LRP1B: variants seen among roughly 807,000 people sequenced by gnomAD.
LRP1B encodes low-density lipoprotein receptor-related protein 1B.
A neutral mutation model predicts 556.6 loss-of-function variants in LRP1B; 217 were observed. The observed-to-expected ratio is 0.39, with a 90% CI of 0.35 to 0.44. LRP1B has a LOEUF of 0.44. LRP1B is among the 20% of genes least tolerant of loss of function. LRP1B has a pLI of 1.00. For missense variants in LRP1B, 5,053 were observed against 5,620.8 expected (o/e 0.90, Z 3.23); for synonymous variants, 2,047 against 1,865.8 (o/e 1.10, Z -2.50).
intron 1 of LRP1B, among the ~76,000 whole-genome samples, chr2:142,085,805 G>A (rs889962345): frequency 6.6e-6 from 1 of 152,168 alleles, no homozygotes; most frequent in Non-Finnish European, 1.5e-5. Flanking sequence ...GTTTGACTAT[G>A]TAAATATAAT....
chr2:141,506,605 G>T (rs951189522), intron 2 of LRP1B, among the ~76,000 whole-genome samples: 1 of 151,978 alleles, frequency 6.6e-6, no homozygotes, highest in Non-Finnish European at 1.5e-5. Flanking sequence ...TAGGATGTGG[G>T]CACCTAGCTT....
At chr2:140,938,859 AT>A (rs1311728427) in intron 20 of LRP1B, among the ~76,000 whole-genome samples, 1 of 152,096 alleles carries the variant, frequency 6.6e-6, no homozygotes. Context: ...AAATTTTTCT[AT>A]CTTTCGGAAA....
intron 66 of LRP1B, among the ~76,000 whole-genome samples, chr2:140,429,322 C>T (rs1199377876): frequency 6.6e-6 from 1 of 152,156 alleles, no homozygotes; most frequent in Non-Finnish European, 1.5e-5. Flanking sequence ...CCCATAGTGC[C>T]AAACCCATAT....
At chr2:140,897,673 C>A (rs187577705) in intron 23 of LRP1B, among the ~76,000 whole-genome samples, 29 of 152,270 alleles carry the variant, frequency 1.9e-4, no homozygotes, top group Non-Finnish European at 3.7e-4. Context: ...ACTAGATTTG[C>A]TAAGTCTTCT....
chr2:140,293,097 T>C (rs569315128), intron 84 of LRP1B, among the ~76,000 whole-genome samples: 93 of 152,284 alleles, frequency 6.1e-4, no homozygotes, highest in African/African-American at 2.2e-3. Flanking sequence ...ATAATGGTTC[T>C]GCAAGCAGAT....
At chr2:141,527,543 T>C (rs1219128841) in intron 2 of LRP1B, among the ~76,000 whole-genome samples, 1 of 152,094 alleles carries the variant, frequency 6.6e-6, no homozygotes, top group African/African-American at 2.4e-5. Flanking sequence ...TTTTCACCTA[T>C]ACAAATGGAA....
At chr2:140,329,459 C>CTGTT (rs2105072757) in intron 79 of LRP1B, among the ~76,000 whole-genome samples, 1 of 152,148 alleles carries the variant, frequency 6.6e-6, no homozygotes, top group South Asian at 2.1e-4. Context: ...CATAATGTCT[C>CTGTT]TGTTTGCAGA....
chr2:140,658,000 T>C (rs886239009), intron 41 of LRP1B, among the ~76,000 whole-genome samples: 1 of 152,084 alleles, frequency 6.6e-6, no homozygotes, highest in African/African-American at 2.4e-5. Flanking sequence ...ACTTTTGTGC[T>C]TATTTGAAAA....
chr2:140,351,875 C>T (rs1183408097), intron 76 of LRP1B, among the ~76,000 whole-genome samples: 1 of 152,072 alleles, frequency 6.6e-6, no homozygotes, highest in Non-Finnish European at 1.5e-5. Flanking sequence ...TTTATCTCCA[C>T]TTCTTATAAC....
intron 6 of LRP1B, among the ~76,000 whole-genome samples, chr2:141,224,029 G>A (rs1336916452): frequency 3.3e-5 from 5 of 152,082 alleles, no homozygotes; most frequent in East Asian, 3.9e-4. Context: ...AAAAATTGAC[G>A]AATGAGATCT....
chr2:140,563,411 T>G (rs551534775), intron 43 of LRP1B, among the ~76,000 whole-genome samples: 1 of 46,544 alleles, frequency 2.1e-5, no homozygotes, highest in East Asian at 6.8e-4. Flanking sequence ...TTACTTGTCA[T>G]GATAATTTTA....
chr2:140,867,753 G>A lies in LRP1B; in HGVS notation c.4416C>T (p.Pro1472=), dbSNP rs1475856178. 7 of 1,611,040 alleles carry A rather than the reference G, an allele frequency of 4.3e-6. No individual in the cohort carries two copies. The highest frequency in any genetic ancestry group is 2.7e-5 in the African/African-American group (2 of 74,694). ...CACTCCCATATAGAGACACAGCAAAGGGATGGGAAAGGTATTCATGACCTC... is the reference window on the plus strand; with the variant it reads ...CACTCCCATATAGAGACACAGCAAAAGGATGGGAAAGGTATTCATGACCTC... ...IIRGHEYLSH[P]FAVSLYGSEV... Residue 1472 remains proline, a synonymous_variant, in exon 27 of 91, where the codon CCC becomes CCT. Coordinates refer to ENST00000389484, the MANE Select transcript of LRP1B (RefSeq NM_018557.3).
At chr2:141,120,200 A>C (rs1472965783) in intron 7 of LRP1B, among the ~76,000 whole-genome samples, 1 of 151,920 alleles carries the variant, frequency 6.6e-6, no homozygotes. Flanking sequence ...AAAGCAATTT[A>C]CTTTATATGA....
At chr2:141,008,189 G>T (rs1697634929) in intron 14 of LRP1B, among the ~76,000 whole-genome samples, 1 of 150,896 alleles carries the variant, frequency 6.6e-6, no homozygotes, top group Non-Finnish European at 1.5e-5. Flanking sequence ...TCAATTAAAA[G>T]GTCATTAACA....
chr2:141,084,911 A>G (rs1424150776), intron 7 of LRP1B, among the ~76,000 whole-genome samples: 1 of 152,022 alleles, frequency 6.6e-6, no homozygotes, highest in African/African-American at 2.4e-5. Context: ...GGCCTCCCAA[A>G]GTGCTGGGAT....
At chr2:141,451,433 A>G (rs1425672026) in intron 3 of LRP1B, among the ~76,000 whole-genome samples, 3 of 152,230 alleles carry the variant, frequency 2.0e-5, no homozygotes, top group African/African-American at 7.2e-5. Flanking sequence ...ATGTAAAGCA[A>G]CCTAGTTACA....
rs368817653 is a variant in LRP1B, at chr2:140,851,030, A to C, written c.4711+622T>G. On this transcript the variant is annotated intron_variant, in intron 28 of 90. Coordinates refer to ENST00000389484, the MANE Select transcript of LRP1B (RefSeq NM_018557.3). ...ACATGTACCTAAACTCCTGACTTTT[A>C]AATTTTGGTGAGTACTTTTTTTCTG... Among the ~76,000 whole-genome samples, 56 of 152,254 alleles carry C rather than the reference A, an allele frequency of 3.7e-4. 1 individual carries two copies. In the South Asian group the frequency reaches 0.011, roughly 30 times the overall value.
intron 35 of LRP1B, among the ~76,000 whole-genome samples, chr2:140,754,616 C>T (rs1272984442): frequency 6.6e-6 from 1 of 151,800 alleles, no homozygotes; most frequent in African/African-American, 2.4e-5. Flanking sequence ...TTAGAAAATA[C>T]TTTGAGATGA....
intron 2 of LRP1B, among the ~76,000 whole-genome samples, chr2:141,770,062 G>A (rs1426310906): frequency 6.6e-6 from 1 of 152,088 alleles, no homozygotes. Context: ...AGGAAATTCG[G>A]TCCTAAAACA....
Sources: allele counts gnomAD v4.1 joint callset (sites outside exome capture counted in the v4.1 genomes callset), GRCh38; gene constraint gnomAD v4.1.1; transcripts MANE v1.5; gene names NCBI Gene and HGNC (gene_info 2026-07-23, HGNC 2026-07-21).